Variants in GNA11 observed in about 807,000 individuals in gnomAD.
The protein encoded by GNA11 is guanine nucleotide-binding protein subunit alpha-11.
Under a neutral mutation model 38.2 loss-of-function variants are expected in GNA11, and 8 were observed. The observed-to-expected ratio is 0.21, with a 90% CI of 0.12 to 0.38. GNA11 has a LOEUF of 0.38. Ranked by LOEUF, GNA11 falls within the 10% of genes least tolerant of loss-of-function variation. The pLI is 1.00. For missense variants in GNA11, 268 were observed against 516.3 expected (o/e 0.52, Z 4.66); for synonymous variants, 211 against 221.4 (o/e 0.95, Z 0.42).
At chr19:3,099,704 C>T (rs941639287) in intron 1 of GNA11, among the ~76,000 whole-genome samples, 5 of 152,236 alleles carry the variant, frequency 3.3e-5, no homozygotes, top group Non-Finnish European at 5.9e-5. Context: ...CCACTCCCTG[C>T]CTCTGGGTCA....
chr19:3,096,023 G>C (rs1217584908), intron 1 of GNA11, among the ~76,000 whole-genome samples: 1 of 152,174 alleles, frequency 6.6e-6, no homozygotes. Flanking sequence ...TCCTGGGCCG[G>C]GGGCGGGGCG....
intron 2 of GNA11, among the ~76,000 whole-genome samples, chr19:3,112,685 T>C (rs1050706765): frequency 1.2e-4 from 19 of 152,218 alleles, no homozygotes; most frequent in African/African-American, 4.6e-4. Context: ...AGGCGGCTCG[T>C]GTTGGGGCAC....
Position 3,120,105 on chromosome 19 carries a change from C to T in GNA11, c.889+746C>T, listed in dbSNP as rs763570919. ...AGCTCTGGCGCCCTCATTTCCACCC[C>T]GGATCTGTGCTCCTCCCGTGAGTCT... On this transcript the variant is annotated intron_variant, in intron 6 of 6. Transcript: ENST00000078429. This position sits in a 1 kb window ranked among gnomAD's most constrained non-coding sequence, Gnocchi z 5.9. Among the ~76,000 whole-genome samples, 45 of 152,052 alleles carry T rather than the reference C, an allele frequency of 3.0e-4. No individual in the cohort carries two copies. The highest frequency in any genetic ancestry group is 4.6e-4 in the Non-Finnish European group (31 of 67,970).
intron 1 of GNA11, among the ~76,000 whole-genome samples, chr19:3,106,723 C>T (rs145574073): frequency 1.0e-3 from 156 of 152,306 alleles, no homozygotes; most frequent in Non-Finnish European, 1.9e-3. Flanking sequence ...GCACCATGCA[C>T]GTGTGTGCTG....
intron 1 of GNA11, among the ~76,000 whole-genome samples, chr19:3,102,905 C>G (rs1269182318): frequency 6.6e-6 from 1 of 152,254 alleles, no homozygotes; most frequent in Non-Finnish European, 1.5e-5. Flanking sequence ...CGTGGGCTGC[C>G]ACCACCCGCC....
rs1034214495 is a variant in GNA11 at position 3,120,366 on chromosome 19, G to T, written c.890-623G>T. Among the ~76,000 whole-genome samples, 2 of 152,104 alleles carry T rather than the reference G, an allele frequency of 1.3e-5. No individual in the cohort carries two copies. Among genetic ancestry groups the T allele is most frequent in the African/African-American group, 4.8e-5 (2 of 41,422 alleles). On this transcript the variant is annotated intron_variant, in intron 6 of 6. Transcript: ENST00000078429. This position sits in a 1 kb window ranked among gnomAD's most constrained non-coding sequence, Gnocchi z 5.9. ...TGGTGGGGGGAGGCCAAGGGACTGG[G>T]GCATAGACCCCTGTCCCACCAGTCC...
chr19:3,123,116 T>C lies in GNA11; in HGVS notation c.*1937T>C. 4.3e-6 allele frequency: 1 copy of C among 233,084 alleles called. No homozygotes were observed. The highest frequency in any genetic ancestry group is 8.5e-6 in the Non-Finnish European group (1 of 118,030). The allele number at this position is 233,084 out of a possible 1,614,324, so 14.4% of individuals were successfully genotyped here. On this transcript the variant is annotated 3_prime_UTR_variant, in exon 7 of 7. Transcript: ENST00000078429. ...CACCCCTGGCAGGGCCGCTACAACC[T>C]TTTCCAGCAGCGGAGCCCTCTGGGG...
In GNA11 at chr19:3,118,909, G is replaced by C. The variant is rs200532051; in HGVS notation, c.606-15G>C. 6.2e-7 allele frequency: 1 copy of C among 1,613,262 alleles called. No individual in the cohort carries two copies. Among genetic ancestry groups the C allele is most frequent in the Non-Finnish European group, 8.5e-7 (1 of 1,179,364 alleles). The stretch of plus-strand genomic sequence containing the variant: ...GGGCGCCAGGTGGCTGAGTCCTGGC[G>C]CTGTGTCCTTTCAGGATGGTGGATG... On this transcript the variant is annotated splice_polypyrimidine_tract_variant and intron_variant, in intron 4 of 6. Coordinates refer to ENST00000078429, the MANE Select transcript of GNA11 (RefSeq NM_002067.5).
rs953731154 is a variant in GNA11, at chr19:3,123,881, T to G, written c.*2702T>G. ...GAGGAGGGGCTGAGGAGCGGCTCAG[T>G]GTCACCTCCCACAGCCACCGGCCCT... On this transcript the variant is annotated 3_prime_UTR_variant, in exon 7 of 7. Transcript: ENST00000078429. The G allele has an allele frequency of 8.6e-6, 2 of 232,534 alleles. No homozygotes were observed. Among genetic ancestry groups the G allele is most frequent in the Non-Finnish European group, 1.7e-5 (2 of 117,588 alleles). 14.4% of individuals were successfully genotyped at this position (232,534 alleles called of 1,614,324 possible).
At chr19:3,098,007 G>A (rs1313331237) in intron 1 of GNA11, among the ~76,000 whole-genome samples, 1 of 152,240 alleles carries the variant, frequency 6.6e-6, no homozygotes, top group African/African-American at 2.4e-5. Flanking sequence ...AGCGTACAAC[G>A]TAAAATGCTC....
intron 1 of GNA11, among the ~76,000 whole-genome samples, chr19:3,103,964 T>C (rs958150139): frequency 3.9e-5 from 6 of 152,080 alleles, no homozygotes; most frequent in African/African-American, 1.4e-4. Context: ...GGATTACAGG[T>C]GTGAGCCACC....
rs917419300 is a variant in GNA11 at position 3,122,593 on chromosome 19, T to C, written c.*1414T>C. The C allele has an allele frequency of 1.3e-5, 3 of 233,068 alleles. No individual in the cohort carries two copies. The highest frequency in any genetic ancestry group is 6.6e-5 in the African/African-American group (3 of 45,324). 14.4% of individuals were successfully genotyped at this position (233,068 alleles called of 1,614,324 possible). On this transcript the variant is annotated 3_prime_UTR_variant, in exon 7 of 7. Transcript: ENST00000078429. The surrounding 1 kb of genome is among the most constrained non-coding windows in gnomAD (Gnocchi z 7.7). ...TGTTTGGGGAGGTGGCTTTTTCGTC[T>C]GCTGTTGACTGAACACTACAGCGCC...
chr19:3,116,213 G>A (rs1054268406), intron 4 of GNA11, among the ~76,000 whole-genome samples: 10 of 152,106 alleles, frequency 6.6e-5, no homozygotes, highest in African/African-American at 2.4e-4. Context: ...GCTGTCCCTG[G>A]GAACGTGGAC....
chr19:3,116,672 G>T (rs1404803874), intron 4 of GNA11, among the ~76,000 whole-genome samples: 1 of 152,236 alleles, frequency 6.6e-6, no homozygotes, highest in South Asian at 2.1e-4. Context: ...GGGTTCTGGT[G>T]TTCGTGCGTG....
rs757446459 is a variant in GNA11, at chr19:3,119,073, G to A, written c.735+20G>A. ...AACGAGGTGGGCCCTGCCCTGAGCA[G>A]GGGCAGCGTTGGGGGCCGGGCCTTC... On this transcript the variant is annotated intron_variant, in intron 5 of 6. Transcript: ENST00000078429. The surrounding 1 kb of genome is among the most constrained non-coding windows in gnomAD (Gnocchi z 4.6). 3.0e-5 allele frequency: 49 copies of A among 1,610,284 alleles called. No individual in the cohort carries two copies. The East Asian group carries it at 1.0e-3, about 34-fold the overall frequency.
intron 4 of GNA11, chr19:3,115,342 C>G: frequency 2.6e-6 from 1 of 388,192 alleles, no homozygotes. Flanking sequence ...GAGGTTGAGG[C>G]TGAAGTGAGC....
At chr19:3,105,373 G>A (rs1392823379) in intron 1 of GNA11, among the ~76,000 whole-genome samples, 1 of 139,844 alleles carries the variant, frequency 7.2e-6, no homozygotes, top group Non-Finnish European at 1.5e-5. Flanking sequence ...GGACGTCCAA[G>A]ATCAAGGTTC....
intron 1 of GNA11, among the ~76,000 whole-genome samples, chr19:3,099,321 G>A (rs1227862292): frequency 6.6e-6 from 1 of 152,214 alleles, no homozygotes; most frequent in Non-Finnish European, 1.5e-5. Context: ...GTGCGTGGAG[G>A]ATGGGAAGCC....
Position 3,122,630 on chromosome 19 carries a change from G to A in GNA11, c.*1451G>A. Reference sequence around the variant, plus strand: ...AACACTACAGCGCCCTGTGGTTCCGGGCTTCGCACAGCTGTCCCAGGGATG... The same window carrying A: ...AACACTACAGCGCCCTGTGGTTCCGAGCTTCGCACAGCTGTCCCAGGGATG... On this transcript the variant is annotated 3_prime_UTR_variant, in exon 7 of 7. Coordinates refer to ENST00000078429, the MANE Select transcript of GNA11 (RefSeq NM_002067.5). The surrounding 1 kb of genome is among the most constrained non-coding windows in gnomAD (Gnocchi z 7.7). 1 of 233,384 alleles carries A rather than the reference G, an allele frequency of 4.3e-6. No homozygotes were observed. Among genetic ancestry groups the A allele is most frequent in the Non-Finnish European group, 8.5e-6 (1 of 118,134 alleles). 14.5% of individuals were successfully genotyped at this position (233,384 alleles called of 1,614,324 possible).
Sources: allele counts gnomAD v4.1 joint callset (sites outside exome capture counted in the v4.1 genomes callset), GRCh38; gene constraint gnomAD v4.1.1; non-coding constraint Gnocchi (gnomAD v3.1); transcripts MANE v1.5; gene names NCBI Gene and HGNC (gene_info 2026-07-23, HGNC 2026-07-21).